The following CA10 variants were observed in gnomAD, a reference collection of about 807,000 sequenced individuals.
CA10 encodes the protein carbonic anhydrase-related protein 10.
CA10 carries 14 observed loss-of-function variants against 44.2 expected under a neutral mutation model. That is an observed-to-expected ratio of 0.32 (90% CI 0.21 to 0.50). The LOEUF (loss-of-function observed/expected upper bound fraction) is 0.50. CA10 is among the 20% of genes least tolerant of loss of function. The probability of loss-of-function intolerance (pLI) is 0.99; values close to 1 mark genes in which losing one functional copy is unlikely to be tolerated. For missense variants in CA10, 350 were observed against 409.7 expected (o/e 0.85, Z 1.26); for synonymous variants, 159 against 141.6 (o/e 1.12, Z -0.87).
intron 2 of CA10, among the ~76,000 whole-genome samples, chr17:52,007,474 T>A (rs1322303428): frequency 4.0e-5 from 6 of 151,634 alleles, no homozygotes; most frequent in African/African-American, 1.4e-4. Context: ...TTTTTCCTAC[T>A]TCTATTGAAG....
intron 2 of CA10, among the ~76,000 whole-genome samples, chr17:52,021,748 A>G (rs1365190530): frequency 6.6e-6 from 1 of 152,130 alleles, no homozygotes; most frequent in Non-Finnish European, 1.5e-5. Context: ...CAGAAACACA[A>G]AAGTTACTCA....
chr17:52,078,063 C>G (rs768726797), intron 1 of CA10, among the ~76,000 whole-genome samples: 9 of 152,216 alleles, frequency 5.9e-5, no homozygotes, highest in Non-Finnish European at 1.3e-4. Flanking sequence ...ACTAAAACTT[C>G]CCAAAGATGA....
At chr17:51,992,585 C>T (rs1030420545) in intron 2 of CA10, among the ~76,000 whole-genome samples, 1 of 152,112 alleles carries the variant, frequency 6.6e-6, no homozygotes, top group Admixed American at 6.6e-5. Flanking sequence ...CACCAGTTCT[C>T]TAAAATAGTA....
At chr17:51,820,070 C>G (rs1027084241) in intron 3 of CA10, among the ~76,000 whole-genome samples, 6 of 151,908 alleles carry the variant, frequency 3.9e-5, no homozygotes, top group Admixed American at 6.6e-5. Context: ...GCCATTGTTC[C>G]TGTAATGTAG....
intron 3 of CA10, among the ~76,000 whole-genome samples, chr17:51,817,477 A>G (rs1300374350): frequency 6.6e-6 from 1 of 152,156 alleles, no homozygotes. Flanking sequence ...ATGCAGATAA[A>G]AAGCCTGGGA....
At chr17:51,633,870 G>T (rs543521192) in intron 7 of CA10, among the ~76,000 whole-genome samples, 1 of 152,322 alleles carries the variant, frequency 6.6e-6, no homozygotes, top group East Asian at 1.9e-4. Flanking sequence ...TTACTAGCTT[G>T]TGTATGCCTC....
chr17:52,078,049 C>A (rs117726752), intron 1 of CA10, among the ~76,000 whole-genome samples: 4,794 of 152,290 alleles, frequency 0.031, 106 homozygotes, highest in Non-Finnish European at 0.042. Context: ...GTCTTTGGAT[C>A]CAGACTAAAA....
chr17:52,133,472 G>A (rs1298945011), intron 1 of CA10, among the ~76,000 whole-genome samples: 1 of 152,124 alleles, frequency 6.6e-6, no homozygotes, highest in Admixed American at 6.5e-5. Context: ...ACAGGAGACT[G>A]GAAGAAGAGG....
At position 51,777,958 on chromosome 17, in the gene CA10, A is replaced by T. The variant is rs1598040366; in HGVS notation, c.280-30140T>A. 2.0e-5 allele frequency among the ~76,000 whole-genome samples: 3 copies of T among 152,286 alleles called. No individual in the cohort carries two copies. The South Asian group carries it at 6.2e-4, about 32-fold the overall frequency. ...CACTGTCCATAAATATTATATATAGATACAAATAATGTGGTTATTGATGGA... is the reference window on the plus strand; with the variant it reads ...CACTGTCCATAAATATTATATATAGTTACAAATAATGTGGTTATTGATGGA... On this transcript the variant is annotated intron_variant, in intron 3 of 8. Transcript: ENST00000451037.
intron 3 of CA10, among the ~76,000 whole-genome samples, chr17:51,802,600 A>T (rs1384523807): frequency 6.9e-6 from 1 of 145,154 alleles, no homozygotes; most frequent in Non-Finnish European, 1.5e-5. Flanking sequence ...AACCAGAAGC[A>T]CTCCCTACAT....
intron 2 of CA10, among the ~76,000 whole-genome samples, chr17:51,999,708 C>T (rs1598159771): frequency 6.6e-6 from 1 of 152,140 alleles, no homozygotes; most frequent in Non-Finnish European, 1.5e-5. Flanking sequence ...ATGTATGTTT[C>T]AGCTGTCCTT....
chr17:51,635,753 A>G (rs1169688736), intron 7 of CA10, 102 bp downstream of exon 7: 21 of 879,188 alleles, frequency 2.4e-5, no homozygotes, highest in Non-Finnish European at 6.8e-6. Context: ...GGACTTTGTT[A>G]TAGTGGTCCT....
At chr17:51,808,716 C>T (rs989587208) in intron 3 of CA10, among the ~76,000 whole-genome samples, 54 of 152,096 alleles carry the variant, frequency 3.6e-4, no homozygotes, top group African/African-American at 1.2e-3. Context: ...GTGGAAAAAG[C>T]GAGCAAAATT....
intron 4 of CA10, among the ~76,000 whole-genome samples, chr17:51,691,677 T>C (rs967275530): frequency 2.6e-5 from 4 of 152,236 alleles, no homozygotes; most frequent in Admixed American, 1.3e-4. Context: ...TATGTTTTCT[T>C]CTAGTAGTTT....
chr17:51,750,550 A>C (rs1225286336), intron 3 of CA10, among the ~76,000 whole-genome samples: 2 of 152,250 alleles, frequency 1.3e-5, no homozygotes, highest in Non-Finnish European at 2.9e-5. Context: ...CTCATGGATA[A>C]ATCTTTTCAC....
intron 3 of CA10, among the ~76,000 whole-genome samples, chr17:51,855,056 G>A (rs1351665078): frequency 1.3e-5 from 2 of 152,196 alleles, no homozygotes; most frequent in South Asian, 2.1e-4. Flanking sequence ...CTGATAGGAA[G>A]AGAGGTGGAA....
chr17:51,872,729 T>C (rs1263142449), intron 3 of CA10, among the ~76,000 whole-genome samples: 1 of 152,206 alleles, frequency 6.6e-6, no homozygotes, highest in African/African-American at 2.4e-5. Flanking sequence ...GTTAATACCA[T>C]ATTGGTAGCT....
intron 3 of CA10, among the ~76,000 whole-genome samples, chr17:51,831,722 A>AGCCGCCGCCGCC (rs1173587707): frequency 1.4e-5 from 2 of 145,702 alleles, no homozygotes; most frequent in Admixed American, 6.8e-5. Flanking sequence ...CAGCAGCAGC[A>AGCCGCCGCCGCC]GCAGCAGCAG....
At position 52,087,769 on chromosome 17, in the gene CA10, T is replaced by C. The variant is rs151016448; in HGVS notation, c.62-15376A>G. On this transcript the variant is annotated intron_variant, in intron 1 of 8. Transcript: ENST00000451037. ...GAAAAATGAAAATACAACATAGAAT[T>C]ATACATGTGAAAGGGAGATTTAAGA... Among the ~76,000 whole-genome samples the C allele has an allele frequency of 7.5e-3, 1,137 of 152,280 alleles. 9 individuals are homozygous for C. The highest frequency in any genetic ancestry group is 0.012 in the Non-Finnish European group (831 of 68,022).
Sources: allele counts gnomAD v4.1 joint callset (sites outside exome capture counted in the v4.1 genomes callset), GRCh38; gene constraint gnomAD v4.1.1; transcripts MANE v1.5; gene names NCBI Gene and HGNC (gene_info 2026-07-23, HGNC 2026-07-21).